UBALD1: variants seen among roughly 807,000 people sequenced by gnomAD.
UBALD1 encodes the protein UBA like domain containing 1, also known as UBA-like domain-containing protein 1.
A neutral mutation model predicts 16.1 loss-of-function variants in UBALD1; 5 were observed. That is an observed-to-expected ratio of 0.31 (90% CI 0.16 to 0.66). The LOEUF (loss-of-function observed/expected upper bound fraction) is 0.66, where lower values mean the gene tolerates loss of function less well. UBALD1 is among the 30% of genes least tolerant of loss of function. The probability of loss-of-function intolerance (pLI) is 0.77; values close to 1 mark genes in which losing one functional copy is unlikely to be tolerated. For missense variants in UBALD1, 220 were observed against 252.8 expected (o/e 0.87, Z 0.88); for synonymous variants, 146 against 105.3 (o/e 1.39, Z -2.37).
intron 2 of UBALD1, chr16:4,610,289 C>T (rs1228221145): frequency 4.2e-6 from 3 of 711,482 alleles, no homozygotes; most frequent in Admixed American, 2.1e-5. Context: ...GAGGCCAGCG[C>T]CCCCCAGGTC....
intron 1 of UBALD1, 137 bp downstream of exon 1, chr16:4,614,541 G>A: frequency 7.7e-7 from 1 of 1,305,364 alleles, no homozygotes. Context: ...CACCGCCGTC[G>A]GGAAAGCGGG....
At chr16:4,612,029 C>G (rs1335207016) in intron 1 of UBALD1, among the ~76,000 whole-genome samples, 1 of 152,002 alleles carries the variant, frequency 6.6e-6, no homozygotes, top group East Asian at 1.9e-4. Flanking sequence ...GGGGCCTGCC[C>G]TCGATCAGGG....
chr16:4,609,862 G>A lies in UBALD1; in HGVS notation c.305C>T (p.Ala102Val), dbSNP rs531541598. The A allele has an allele frequency of 4.2e-5, 64 of 1,523,494 alleles. No homozygotes were observed. The highest frequency in any genetic ancestry group is 1.0e-4 in the South Asian group (8 of 78,270). The allele number at this position is 1,523,494 out of a possible 1,614,324, so 94.4% of individuals were successfully genotyped here. The stretch of plus-strand genomic sequence containing the variant: ...GTGTGGCGGGGGTGACGTGGCTGTC[G>A]CGGCCATCGGGCTGCCGCTGCCACC... ...HSGGSGSPMA[A>V]TATSPPPHFP... The change falls in exon 3 of 3, where the codon GCG becomes GTG. Residue 102 changes from alanine (A) to valine (V), a missense_variant. By Grantham distance (64) the Ala-to-Val change is moderately conservative. This residue lies in a region of UBALD1 where 151 missense variants were observed against 132.6 expected (regional missense o/e 1.14). Coordinates refer to ENST00000283474, the MANE Select transcript of UBALD1 (RefSeq NM_145253.3).
At position 4,609,600 on chromosome 16, in the gene UBALD1, G is replaced by A. The variant is rs756301232; in HGVS notation, c.*33C>T. On this transcript the variant is annotated 3_prime_UTR_variant, in exon 3 of 3. Coordinates refer to ENST00000283474, the MANE Select transcript of UBALD1 (RefSeq NM_145253.3). ...GACGTCCTCTCCCCCGCCCCACGGG[G>A]TCCTGGCCTCCGGGAGGGGGGAGGG... The A allele has an allele frequency of 3.9e-6, 4 of 1,023,444 alleles. No homozygotes were observed. In the African/African-American group the frequency reaches 6.6e-5, roughly 17 times the overall value. 63.4% of individuals were successfully genotyped at this position (1,023,444 alleles called of 1,614,324 possible). A position where few individuals can be genotyped will look rare whatever the true frequency, so the allele number is the denominator to read the frequency against.
At position 4,609,371 on chromosome 16, in the gene UBALD1, G is replaced by T. The variant is rs1033299745; in HGVS notation, c.*262C>A. Reference sequence around the variant, plus strand: ...TGCGTCTTCGAAGGAAGGCTGCGTGGTCTCTGAAGTTCTGTCCGCCAGGCA... The same window carrying T: ...TGCGTCTTCGAAGGAAGGCTGCGTGTTCTCTGAAGTTCTGTCCGCCAGGCA... On this transcript the variant is annotated 3_prime_UTR_variant, in exon 3 of 3. Transcript: ENST00000283474. 2.7e-6 allele frequency: 1 copy of T among 368,110 alleles called. No homozygotes were observed. The highest frequency in any genetic ancestry group is 2.1e-5 in the African/African-American group (1 of 48,132). 22.8% of individuals were successfully genotyped at this position (368,110 alleles called of 1,614,324 possible). A position where few individuals can be genotyped will look rare whatever the true frequency, so the allele number is the denominator to read the frequency against.
In UBALD1 at chr16:4,609,930, G is replaced by A. The variant is rs1897337458; in HGVS notation, c.237C>T (p.Leu79=). 1 of 1,599,032 alleles carries A rather than the reference G, an allele frequency of 6.3e-7. No individual in the cohort carries two copies. The highest frequency in any genetic ancestry group is 1.3e-5 in the African/African-American group (1 of 74,450). Residue 79 remains leucine, a synonymous_variant, in exon 3 of 3, where the codon CTC becomes CTT. Transcript: ENST00000283474. ...PATPPNFPDA[L]TMFSRLKASE... ...AGGCCTTGAGACGGGAGAACATGGT[G>A]AGAGCGTCAGGGAAGTTGGGGGGTG...
rs367703172 is a variant in UBALD1 at position 4,609,745 on chromosome 16, G to A, written c.422C>T (p.Pro141Leu). 59 of 1,500,816 alleles carry A rather than the reference G, an allele frequency of 3.9e-5. No homozygotes were observed. The highest frequency in any genetic ancestry group is 7.1e-5 in the African/African-American group (5 of 70,536). The allele number at this position is 1,500,816 out of a possible 1,614,324, so 93.0% of individuals were successfully genotyped here. ...PGGPQHHQPQ[P>L]PLWTPTPPSP... ...AGGGGGTGTTGGAGTCCACAGGGGC[G>A]GCTGTGGCTGGTGGTGCTGTGGGCC... The change falls in exon 3 of 3, where the codon CCG becomes CTG. Residue 141 changes from proline to leucine, a missense_variant. This residue lies in a region of UBALD1 where 151 missense variants were observed against 132.6 expected (regional missense o/e 1.14). Transcript: ENST00000283474.
Position 4,609,774 on chromosome 16 carries a change from CG to C in UBALD1, c.392del (p.Pro131ArgfsTer93). 2 of 1,505,688 alleles carry C rather than the reference CG, an allele frequency of 1.3e-6. No individual in the cohort carries two copies. Among genetic ancestry groups the C allele is most frequent in the Non-Finnish European group, 1.8e-6 (2 of 1,130,936 alleles). 93.3% of individuals were successfully genotyped at this position (1,505,688 alleles called of 1,614,324 possible). A position where few individuals can be genotyped will look rare whatever the true frequency, so the allele number is the denominator to read the frequency against. On this transcript the variant is annotated frameshift_variant, in exon 3 of 3. Coordinates refer to ENST00000283474, the MANE Select transcript of UBALD1 (RefSeq NM_145253.3). LOFTEE classifies it high-confidence loss of function. ...ASSWPTAASP[P>X]GGPQHHQPQP... ...GTGGCTGGTGGTGCTGTGGGCCCCC[CG>C]GGGGCGAGGCCGCCGTGGGCCAGCT...
At chr16:4,611,413 C>G (rs556242338) in intron 1 of UBALD1, 1 of 152,468 alleles carries the variant, frequency 6.6e-6, no homozygotes, top group South Asian at 2.1e-4. Context: ...GCTGGCACCA[C>G]GCTAGGCACG....
rs1384391633 is a variant in UBALD1, at chr16:4,609,838, T to C, written c.329A>G (p.His110Arg). 2.6e-6 allele frequency: 4 copies of C among 1,515,882 alleles called. No homozygotes were observed. The highest frequency in any genetic ancestry group is 2.3e-5 in the East Asian group (1 of 42,752). The allele number at this position is 1,515,882 out of a possible 1,614,324, so 93.9% of individuals were successfully genotyped here. ...MAATATSPPP[H>R]FPHAATSSSA... The stretch of plus-strand genomic sequence containing the variant: ...GCTGCTGGTGGCGGCATGGGGGAAG[T>C]GTGGCGGGGGTGACGTGGCTGTCGC... The change falls in exon 3 of 3, where the codon CAC becomes CGC. Residue 110 changes from histidine (H) to arginine (R), a missense_variant. Physicochemically the swap from His to Arg is conservative, Grantham distance 29. Transcript: ENST00000283474.
At chr16:4,610,226 C>T (rs1388721740) in intron 2 of UBALD1, 1 of 711,130 alleles carries the variant, frequency 1.4e-6, no homozygotes, top group Admixed American at 2.0e-5. Flanking sequence ...CCACCCCTTT[C>T]CATCAGCCAC....
intron 1 of UBALD1, among the ~76,000 whole-genome samples, chr16:4,612,727 G>T (rs111871113): frequency 1.3e-5 from 2 of 152,154 alleles, no homozygotes; most frequent in African/African-American, 4.8e-5. Flanking sequence ...CAGCCAGCGG[G>T]TGGAGCGTGG....
intron 1 of UBALD1, chr16:4,614,435 C>T (rs1158728259): frequency 9.8e-6 from 5 of 507,742 alleles, no homozygotes; most frequent in Non-Finnish European, 1.3e-5. Flanking sequence ...GTCTCGATCC[C>T]GGGGGACTCG....
chr16:4,612,669 G>A (rs1250174024), intron 1 of UBALD1, among the ~76,000 whole-genome samples: 1 of 152,060 alleles, frequency 6.6e-6, no homozygotes, highest in East Asian at 1.9e-4. Flanking sequence ...GCCCCCATTA[G>A]CACCTGAATT....
rs769006318 is a variant in UBALD1, at chr16:4,609,768, GC to G, written c.398del (p.Gly133AlafsTer91). On this transcript the variant is annotated frameshift_variant, in exon 3 of 3. Coordinates refer to ENST00000283474, the MANE Select transcript of UBALD1 (RefSeq NM_145253.3). LOFTEE classifies it high-confidence loss of function. ...SWPTAASPPG[G>X]PQHHQPQPPL... ...GCGGCTGTGGCTGGTGGTGCTGTGG[GC>G]CCCCCGGGGGCGAGGCCGCCGTGGG... 3 of 1,505,630 alleles carry G rather than the reference GC, an allele frequency of 2.0e-6. No homozygotes were observed. The highest frequency in any genetic ancestry group is 1.4e-5 in the African/African-American group (1 of 70,934). 93.3% of individuals were successfully genotyped at this position (1,505,630 alleles called of 1,614,324 possible).
Position 4,610,671 on chromosome 16 carries a change from G to A in UBALD1, c.121-116C>T, listed in dbSNP as rs1404418692. The A allele has an allele frequency of 3.3e-6, 4 of 1,210,424 alleles. No individual in the cohort carries two copies. The African/African-American group carries it at 4.5e-5, about 14-fold the overall frequency. The allele number at this position is 1,210,424 out of a possible 1,614,324, so 75.0% of individuals were successfully genotyped here. On this transcript the variant is annotated intron_variant, in intron 1 of 2. Coordinates refer to ENST00000283474, the MANE Select transcript of UBALD1 (RefSeq NM_145253.3). ...CCCTGGCTGGACTGCTGAGTGGGAG[G>A]GGTGAGTCGCGGTGCTGAGGCTCAG... is the stretch of plus-strand genomic sequence containing the variant.
At chr16:4,611,952 C>T (rs975555131) in intron 1 of UBALD1, among the ~76,000 whole-genome samples, 1 of 152,184 alleles carries the variant, frequency 6.6e-6, no homozygotes, top group African/African-American at 2.4e-5. Context: ...AGGCCCACTC[C>T]CCTAATGCCA....
At chr16:4,610,395 C>T (rs1897344482) in intron 2 of UBALD1, 98 bp downstream of exon 2, 6 of 1,353,544 alleles carry the variant, frequency 4.4e-6, no homozygotes, top group South Asian at 1.4e-5. Flanking sequence ...CCGCCTGCAC[C>T]AGCGCCCTCG....
chr16:4,610,594 C>G, intron 1 of UBALD1, 39 bp from the exon 2 acceptor site: 1 of 1,588,416 alleles, frequency 6.3e-7, no homozygotes, highest in Non-Finnish European at 8.6e-7. Context: ...TCCAGGCCCC[C>G]GCCGGCCCTG....
Sources: allele counts gnomAD v4.1 joint callset (sites outside exome capture counted in the v4.1 genomes callset), GRCh38; gene constraint gnomAD v4.1.1; regional missense constraint gnomAD v4.1.1; transcripts MANE v1.5; gene names NCBI Gene and HGNC (gene_info 2026-07-23, HGNC 2026-07-21).